Variants in CNTNAP2 observed in about 807,000 individuals in gnomAD.
CNTNAP2 encodes the protein contactin associated protein 2.
CNTNAP2 carries 98 observed loss-of-function variants against 155.2 expected under a neutral mutation model. The ratio of observed to expected loss-of-function variants is 0.63; its 90% CI spans 0.54 to 0.75. The LOEUF is 0.75. CNTNAP2 is among the 30% of genes least tolerant of loss of function. The pLI is 0.00. For synonymous variants in CNTNAP2, 651 were observed against 631.2 expected, an observed-to-expected ratio of 1.03 and a Z score of -0.47; for missense variants, 1,727 against 1,688.1, an observed-to-expected ratio of 1.02 and a Z score of -0.40.
intron 1 of CNTNAP2, among the ~76,000 whole-genome samples, chr7:146,224,228 C>G (rs1193762956): frequency 1.3e-5 from 2 of 152,112 alleles, no homozygotes; most frequent in African/African-American, 4.8e-5. Context: ...TGTAGCACAA[C>G]CTCACATAGG....
intron 15 of CNTNAP2, among the ~76,000 whole-genome samples, chr7:148,100,521 CA>C (rs140440340): frequency 0.1 from 15,287 of 152,030 alleles, 2,075 homozygotes; most frequent in African/African-American, 0.31. Context: ...TAGGTTTGTG[CA>C]AAAAAACTGC....
At chr7:147,139,342 T>G (rs1002817991) in intron 8 of CNTNAP2, among the ~76,000 whole-genome samples, 15 of 152,126 alleles carry the variant, frequency 9.9e-5, no homozygotes, top group African/African-American at 3.6e-4. Flanking sequence ...AGTAGAGATA[T>G]ATCTAAGTCA....
chr7:146,674,036 C>A (rs1308178536), intron 1 of CNTNAP2, among the ~76,000 whole-genome samples: 1 of 152,124 alleles, frequency 6.6e-6, no homozygotes, highest in East Asian at 1.9e-4. Context: ...AAATTTCATT[C>A]CCTGATATTT....
chr7:147,530,716 C>T (rs527851185), intron 11 of CNTNAP2, among the ~76,000 whole-genome samples: 92 of 152,144 alleles, frequency 6.0e-4, no homozygotes, highest in African/African-American at 1.7e-3. Flanking sequence ...CATATCATTC[C>T]GCCACTGACT....
chr7:147,645,609 AG>A (rs1202427803), intron 13 of CNTNAP2, among the ~76,000 whole-genome samples: 1 of 152,226 alleles, frequency 6.6e-6, no homozygotes, highest in Non-Finnish European at 1.5e-5. Flanking sequence ...GAGGGATTGC[AG>A]GGAGAAGAGT....
intron 3 of CNTNAP2, among the ~76,000 whole-genome samples, chr7:146,976,782 T>G (rs375504383): frequency 6.6e-6 from 1 of 152,146 alleles, no homozygotes; most frequent in African/African-American, 2.4e-5. Flanking sequence ...ATAGTCCTCA[T>G]AGACTGGGTA....
At chr7:146,811,514 G>A (rs1803065658) in intron 2 of CNTNAP2, among the ~76,000 whole-genome samples, 1 of 151,700 alleles carries the variant, frequency 6.6e-6, no homozygotes, top group Non-Finnish European at 1.5e-5. Flanking sequence ...TATTTACTTT[G>A]TTAGTCTTTT....
chr7:148,021,725 T>A (rs190568279), intron 15 of CNTNAP2, among the ~76,000 whole-genome samples: 2 of 152,176 alleles, frequency 1.3e-5, no homozygotes, highest in Admixed American at 1.3e-4. Flanking sequence ...AATGCAGGAA[T>A]GTGCTCACAG....
chr7:147,852,259 A>G (rs184142548), intron 13 of CNTNAP2, among the ~76,000 whole-genome samples: 1 of 152,298 alleles, frequency 6.6e-6, no homozygotes, highest in East Asian at 1.9e-4. Flanking sequence ...CACAACCTTA[A>G]TTGTTATTGC....
intron 21 of CNTNAP2, among the ~76,000 whole-genome samples, chr7:148,273,424 G>T (rs187829053): frequency 1.2e-3 from 186 of 152,330 alleles, no homozygotes; most frequent in Non-Finnish European, 2.0e-3. Context: ...CCACATCACT[G>T]TGAGTTGTGT....
intron 13 of CNTNAP2, among the ~76,000 whole-genome samples, chr7:147,858,797 T>C (rs916476064): frequency 2.6e-5 from 4 of 152,136 alleles, no homozygotes; most frequent in Non-Finnish European, 5.9e-5. Flanking sequence ...TACCAGGAAC[T>C]AGTAAGATGC....
At chr7:147,214,069 G>C (rs1045863039) in intron 8 of CNTNAP2, among the ~76,000 whole-genome samples, 2 of 152,088 alleles carry the variant, frequency 1.3e-5, no homozygotes, top group African/African-American at 2.4e-5. Context: ...GAAAAACCCA[G>C]AAATAATCCC....
chr7:146,606,773 T>A (rs781735193), intron 1 of CNTNAP2, among the ~76,000 whole-genome samples: 2 of 152,194 alleles, frequency 1.3e-5, no homozygotes, highest in African/African-American at 2.4e-5. Flanking sequence ...TCTTGTATGG[T>A]TTCAACATTG....
At chr7:148,107,104 A>G (rs1804240558) in intron 15 of CNTNAP2, among the ~76,000 whole-genome samples, 1 of 152,228 alleles carries the variant, frequency 6.6e-6, no homozygotes, top group Admixed American at 6.5e-5. Context: ...CATGTGAAAC[A>G]CACAACTGTT....
At chr7:146,776,506 G>A (rs1440406404) in intron 2 of CNTNAP2, among the ~76,000 whole-genome samples, 3 of 152,088 alleles carry the variant, frequency 2.0e-5, no homozygotes, top group Non-Finnish European at 4.4e-5. Flanking sequence ...ATAAGACCTC[G>A]ACTAAACGAT....
chr7:148,276,645 T>C (rs1796874852), intron 21 of CNTNAP2, among the ~76,000 whole-genome samples: 1 of 152,254 alleles, frequency 6.6e-6, no homozygotes, highest in Non-Finnish European at 1.5e-5. Context: ...ATTACGGATC[T>C]ATTTATAAGC....
At chr7:146,862,233 G>C (rs1486820007) in intron 3 of CNTNAP2, among the ~76,000 whole-genome samples, 2 of 152,084 alleles carry the variant, frequency 1.3e-5, no homozygotes, top group Admixed American at 6.6e-5. Flanking sequence ...CTTAGCGTTT[G>C]ATATATTGAA....
At chr7:147,601,986 C>G (rs1456250763) in intron 12 of CNTNAP2, among the ~76,000 whole-genome samples, 1 of 151,924 alleles carries the variant, frequency 6.6e-6, no homozygotes, top group East Asian at 1.9e-4. Flanking sequence ...GTGGTATGGT[C>G]TAGAGATTTG....
intron 1 of CNTNAP2, among the ~76,000 whole-genome samples, chr7:146,578,650 T>G (rs1798562297): frequency 6.6e-6 from 1 of 152,094 alleles, no homozygotes; most frequent in South Asian, 2.1e-4. Flanking sequence ...TATAAATATC[T>G]CCCAAACTTC....
Sources: gnomAD v4.1 joint callset for allele counts (sites outside exome capture counted in the v4.1 genomes callset) on GRCh38, gnomAD v4.1.1 for gene constraint, MANE v1.5 for transcripts, NCBI Gene and HGNC (gene_info 2026-07-23, HGNC 2026-07-21) for gene names.